DAB1: variants seen among roughly 807,000 people sequenced by gnomAD.
DAB1 encodes the protein DAB adaptor protein 1.
A neutral mutation model predicts 64.6 loss-of-function variants in DAB1; 15 were observed. The ratio of observed to expected loss-of-function variants is 0.23; its 90% CI spans 0.16 to 0.36. The LOEUF (loss-of-function observed/expected upper bound fraction) is 0.36. Ranked by LOEUF, DAB1 falls within the 10% of genes least tolerant of loss-of-function variation. The pLI, the probability that DAB1 is intolerant of heterozygous loss-of-function variation, is 1.00. For synonymous variants in DAB1, 235 were observed against 251.9 expected, an observed-to-expected ratio of 0.93 and a Z score of 0.64; for missense variants, 596 against 706.7, an observed-to-expected ratio of 0.84 and a Z score of 1.78.
At chr1:58,422,208 C>T (rs1644778970) in intron 3 of DAB1, among the ~76,000 whole-genome samples, 1 of 151,724 alleles carries the variant, frequency 6.6e-6, no homozygotes, top group Non-Finnish European at 1.5e-5. Flanking sequence ...TAATATCACG[C>T]CTAACTTACA....
intron 3 of DAB1, among the ~76,000 whole-genome samples, chr1:58,436,403 T>A (rs1401345670): frequency 6.6e-6 from 1 of 152,190 alleles, no homozygotes; most frequent in East Asian, 1.9e-4. Flanking sequence ...ATGGGGAGCT[T>A]TCTCCAACAG....
At chr1:58,481,799 T>A (rs369469068) in intron 3 of DAB1, among the ~76,000 whole-genome samples, 3 of 152,280 alleles carry the variant, frequency 2.0e-5, no homozygotes, top group South Asian at 4.1e-4. Flanking sequence ...TAAAGGGCAG[T>A]TCCCCCTGCA....
chr1:57,881,432 G>A (rs1644141421), intron 1 of DAB1, among the ~76,000 whole-genome samples: 1 of 152,122 alleles, frequency 6.6e-6, no homozygotes, highest in African/African-American at 2.4e-5. Context: ...ATAAACAGAA[G>A]GAAAGAATTA....
intron 4 of DAB1, among the ~76,000 whole-genome samples, chr1:58,300,638 G>GGA (rs1662133441): frequency 1.3e-4 from 8 of 61,846 alleles, no homozygotes; most frequent in Non-Finnish European, 6.7e-5. Context: ...GAGAGAGAGA[G>GGA]AGAGAGAGAG....
At chr1:58,366,382 T>A (rs143313435) in intron 3 of DAB1, among the ~76,000 whole-genome samples, 1 of 152,302 alleles carries the variant, frequency 6.6e-6, no homozygotes, top group East Asian at 1.9e-4. Context: ...TTATATCACA[T>A]ACGAGAATCT....
intron 4 of DAB1, among the ~76,000 whole-genome samples, chr1:58,179,343 G>A (rs1656656287): frequency 6.6e-6 from 1 of 151,972 alleles, no homozygotes; most frequent in South Asian, 2.1e-4. Flanking sequence ...GTTAACACTG[G>A]CCTCATAAAA....
rs577066466 is a variant in DAB1 at position 57,736,676 on chromosome 1, T to G, written n.552-87011A>C. On this transcript the variant is annotated intron_variant and non_coding_transcript_variant, in intron 6 of 20. Coordinates refer to the DAB1 transcript ENST00000485760. The stretch of plus-strand genomic sequence containing the variant: ...GAAACAGTGATTAGTCCAGGTGAAA[T>G]AAGGTGGACTGGTATTCTAAATGCA... Among the ~76,000 whole-genome samples, 150 of 152,238 alleles carry G rather than the reference T, an allele frequency of 9.9e-4. 1 individual carries two copies. Among genetic ancestry groups the G allele is most frequent in the African/African-American group, 3.5e-3 (144 of 41,542 alleles).
chr1:57,303,944 T>G (rs1290023531), intron 1 of DAB1, among the ~76,000 whole-genome samples: 3 of 152,172 alleles, frequency 2.0e-5, no homozygotes, highest in African/African-American at 7.2e-5. Flanking sequence ...CTCCTTATTG[T>G]GGGGGACTGC....
chr1:57,766,697 ACT>A (rs34902146), intron 6 of DAB1, among the ~76,000 whole-genome samples: 29,716 of 151,024 alleles, frequency 0.2, 3,280 homozygotes, highest in Admixed American at 0.3. Flanking sequence ...ATTTAGTTTG[ACT>A]CTGACACTCA....
At chr1:58,242,714 G>C (rs1379371760) in intron 4 of DAB1, among the ~76,000 whole-genome samples, 6 of 152,030 alleles carry the variant, frequency 3.9e-5, no homozygotes, top group Non-Finnish European at 7.4e-5. Flanking sequence ...AGTCAACTAA[G>C]AAGAGTTCAT....
intron 4 of DAB1, among the ~76,000 whole-genome samples, chr1:58,209,172 T>G (rs576744908): frequency 6.6e-6 from 1 of 152,202 alleles, no homozygotes; most frequent in Admixed American, 6.5e-5. Flanking sequence ...CATTATAGAA[T>G]GTGAGCTGGG....
At chr1:58,383,880 C>A (rs1002807866) in intron 3 of DAB1, among the ~76,000 whole-genome samples, 1 of 152,156 alleles carries the variant, frequency 6.6e-6, no homozygotes, top group African/African-American at 2.4e-5. Context: ...GACATCAATT[C>A]ATTGGATATA....
At chr1:58,464,707 T>C (rs1002903504) in intron 3 of DAB1, among the ~76,000 whole-genome samples, 2 of 152,082 alleles carry the variant, frequency 1.3e-5, no homozygotes, top group African/African-American at 4.8e-5. Flanking sequence ...CCTAATAAAA[T>C]ATAAAGTACA....
chr1:58,235,467 G>A (rs1024682998), intron 4 of DAB1, among the ~76,000 whole-genome samples: 11 of 152,194 alleles, frequency 7.2e-5, no homozygotes, highest in Non-Finnish European at 1.5e-5. Flanking sequence ...CTACCAATGT[G>A]AGAGCCAGAT....
At chr1:57,114,191 A>G (rs1050109186) in intron 4 of DAB1, among the ~76,000 whole-genome samples, 1 of 152,220 alleles carries the variant, frequency 6.6e-6, no homozygotes, top group African/African-American at 2.4e-5. Flanking sequence ...CGTTATAGGT[A>G]GAATTTGTTT....
At chr1:58,202,128 A>G (rs1169425893) in intron 4 of DAB1, among the ~76,000 whole-genome samples, 3 of 152,244 alleles carry the variant, frequency 2.0e-5, no homozygotes, top group African/African-American at 7.2e-5. Flanking sequence ...CATAGAAAAC[A>G]CTTTATAAGT....
rs1160920841 is a variant in DAB1 at position 57,695,282 on chromosome 1, A to G, written n.552-45617T>C. Among the ~76,000 whole-genome samples the G allele has an allele frequency of 3.1e-3, 323 of 105,738 alleles. 30 individuals carry two copies. The highest frequency in any genetic ancestry group is 0.012 in the African/African-American group (291 of 24,202). 69.4% of individuals were successfully genotyped at this position (105,738 alleles called of 152,430 possible). A position where few individuals can be genotyped will look rare whatever the true frequency, so the allele number is the denominator to read the frequency against. ...GAAGGAAGGAAGGAAGGAAGGAAGG[A>G]AGAAAGGGAGAGAGAAGGAAAGAAA... On this transcript the variant is annotated intron_variant and non_coding_transcript_variant, in intron 6 of 20. Coordinates refer to the DAB1 transcript ENST00000485760.
chr1:57,558,257 T>C (rs964109444), intron 7 of DAB1, among the ~76,000 whole-genome samples: 4 of 152,182 alleles, frequency 2.6e-5, no homozygotes, highest in African/African-American at 7.2e-5. Flanking sequence ...TTTTCAACTT[T>C]TGTCTGAGGA....
At chr1:58,239,473 A>G (rs1294992906) in intron 4 of DAB1, among the ~76,000 whole-genome samples, 2 of 152,186 alleles carry the variant, frequency 1.3e-5, no homozygotes, top group African/African-American at 4.8e-5. Context: ...AACAGAGAAC[A>G]AGTTAGAATC....
Sources: gnomAD v4.1 joint callset for allele counts (sites outside exome capture counted in the v4.1 genomes callset) on GRCh38, gnomAD v4.1.1 for gene constraint, MANE v1.5 for transcripts, NCBI Gene and HGNC (gene_info 2026-07-23, HGNC 2026-07-21) for gene names.